MRTFB: variants seen among roughly 807,000 people sequenced by gnomAD.
MRTFB encodes myocardin related transcription factor B, also known as myocardin-related transcription factor B.
MRTFB carries 29 observed loss-of-function variants against 104.2 expected under a neutral mutation model. The observed-to-expected ratio is 0.28, with a 90% CI of 0.21 to 0.38. MRTFB has a LOEUF of 0.38. Ranked by LOEUF, MRTFB falls within the 10% of genes least tolerant of loss-of-function variation. The pLI is 1.00. For missense variants in MRTFB, 1,270 were observed against 1,341.6 expected, an observed-to-expected ratio of 0.95 and a Z score of 0.83; for synonymous variants, 535 against 519.5, an observed-to-expected ratio of 1.03 and a Z score of -0.41.
chr16:14,229,665 T>C, intron 8 of MRTFB, among the ~76,000 whole-genome samples: 1 of 151,940 alleles, frequency 6.6e-6, no homozygotes. Flanking sequence ...CTGACTTCTG[T>C]TTTTTTTATA....
chr16:14,167,124 C>T (rs1357830553), intron 3 of MRTFB, among the ~76,000 whole-genome samples: 6 of 152,176 alleles, frequency 3.9e-5, no homozygotes. Flanking sequence ...ACATTCCCAC[C>T]AACAGTGTAA....
intron 2 of MRTFB, among the ~76,000 whole-genome samples, chr16:14,094,158 C>T (rs1006563728): frequency 1.4e-4 from 22 of 152,044 alleles, no homozygotes; most frequent in South Asian, 2.1e-4. Flanking sequence ...TGGGCTTGTC[C>T]GGCTCACTCC....
the MRTFB span, among the ~76,000 whole-genome samples, chr16:14,056,799 T>A: frequency 6.6e-6 from 1 of 152,228 alleles, no homozygotes; most frequent in Non-Finnish European, 1.5e-5. Context: ...TATCCATCCA[T>A]CTGTCCACCT....
At chr16:14,253,384 C>T (rs1021012936) in intron 15 of MRTFB, among the ~76,000 whole-genome samples, 11 of 152,182 alleles carry the variant, frequency 7.2e-5, no homozygotes, top group East Asian at 1.9e-4. Flanking sequence ...TTATTATCCA[C>T]GGCAAACAGC....
Position 14,245,606 on chromosome 16 carries a change from A to G in MRTFB, c.1158A>G (p.Thr386=), listed in dbSNP as rs1424400921. ...NATPNTPRQN[T]STPVRKPGPL... ...CACCTAACACACCAAGACAGAATACATCTACTCCTGTGAGAAAGCCAGGAC... is the reference window on the plus strand; with the variant it reads ...CACCTAACACACCAAGACAGAATACGTCTACTCCTGTGAGAAAGCCAGGAC... The change falls in exon 11 of 17, where the codon ACA becomes ACG. Residue 386 remains threonine, a synonymous_variant. Coordinates refer to ENST00000571589, the MANE Select transcript of MRTFB (RefSeq NM_001308142.2). The G allele has an allele frequency of 1.9e-6, 3 of 1,614,126 alleles. No individual in the cohort carries two copies. The highest frequency in any genetic ancestry group is 8.5e-7 in the Non-Finnish European group (1 of 1,179,990).
chr16:13,999,641 G>A, the MRTFB span, among the ~76,000 whole-genome samples: 1 of 152,164 alleles, frequency 6.6e-6, no homozygotes, highest in Non-Finnish European at 1.5e-5. Flanking sequence ...GGGGCTGTGG[G>A]GGAGCATCGC....
intron 3 of MRTFB, among the ~76,000 whole-genome samples, chr16:14,181,563 A>G (rs59942291): frequency 0.027 from 4,074 of 152,296 alleles, 196 homozygotes; most frequent in African/African-American, 0.093. Flanking sequence ...CTCAATCTTT[A>G]TGTCAAGAAT....
In MRTFB at chr16:14,238,330, G is replaced by A. The variant is rs141145447; in HGVS notation, c.832-1907G>A. ...GTTTTGCCAGGTGTCTATGACAAAG[G>A]GGGGGACTGTGCAAGTGAGGGGACC... is the stretch of plus-strand genomic sequence containing the variant. On this transcript the variant is annotated intron_variant, in intron 9 of 16. Coordinates refer to ENST00000571589, the MANE Select transcript of MRTFB (RefSeq NM_001308142.2). Among the ~76,000 whole-genome samples, 494 of 152,260 alleles carry A rather than the reference G, an allele frequency of 3.2e-3. 3 individuals carry two copies. The highest frequency in any genetic ancestry group is 0.012 in the Admixed American group (186 of 15,290).
intron 13 of MRTFB, among the ~76,000 whole-genome samples, chr16:14,251,292 G>C (rs2043243131): frequency 6.6e-6 from 1 of 151,124 alleles, no homozygotes; most frequent in Non-Finnish European, 1.5e-5. Context: ...CAGGAGAATG[G>C]CGTGAACCTG....
In MRTFB at chr16:14,240,385, C is replaced by T. The variant is rs748081263; in HGVS notation, c.980C>T (p.Ala327Val). 6.2e-7 allele frequency: 1 copy of T among 1,614,196 alleles called. No homozygotes were observed. Among genetic ancestry groups the T allele is most frequent in the East Asian group, 2.2e-5 (1 of 44,894 alleles). Residue 327 changes from alanine (A) to valine (V), a missense_variant, in exon 10 of 17, where the codon GCC (alanine) becomes GTC (valine). By Grantham distance (64) the Ala-to-Val change is moderately conservative. Transcript: ENST00000571589. ...GAGCCGCAGATGGACTCTAACTACG[C>T]CCGCCTGCTCCAGCAGCAGCAGCTG... ...KNEPQMDSNY[A>V]RLLQQQQLFL...
At position 14,118,322 on chromosome 16, in the gene MRTFB, T is replaced by TA. The variant is rs1340636242; in HGVS notation, c.-63-22221dup. On this transcript the variant is annotated intron_variant, in intron 2 of 16. Coordinates refer to ENST00000571589, the MANE Select transcript of MRTFB (RefSeq NM_001308142.2). The stretch of plus-strand genomic sequence containing the variant: ...CAGCTAGTTTTTGTATTCTTTTTTT[T>TA]ATAGAGATGGGGTTTTGCCATGTTG... Among the ~76,000 whole-genome samples the TA allele has an allele frequency of 4.6e-5, 7 of 151,638 alleles. No individual in the cohort carries two copies. In the South Asian group the frequency reaches 6.3e-4, roughly 14 times the overall value.
chr16:13,995,307 T>C, the MRTFB span, among the ~76,000 whole-genome samples: 1 of 152,166 alleles, frequency 6.6e-6, no homozygotes, highest in African/African-American at 2.4e-5. Flanking sequence ...CTGTTTTGTT[T>C]TGTTTTTTTC....
intron 15 of MRTFB, among the ~76,000 whole-genome samples, chr16:14,257,082 G>GTTCCATTTTACACTCCC (rs2043525789): frequency 6.6e-6 from 1 of 152,174 alleles, no homozygotes; most frequent in Non-Finnish European, 1.5e-5. Flanking sequence ...TGAAAAGACT[G>GTTCCATTTTACACTCCC]ACCCTACAAA....
At chr16:14,114,303 A>G (rs551578267) in intron 2 of MRTFB, among the ~76,000 whole-genome samples, 9 of 152,224 alleles carry the variant, frequency 5.9e-5, no homozygotes, top group Non-Finnish European at 7.3e-5. Flanking sequence ...TAAATGTTCT[A>G]AATGTTTCAG....
At chr16:14,235,818 C>T (rs2042475611) in intron 9 of MRTFB, among the ~76,000 whole-genome samples, 1 of 152,144 alleles carries the variant, frequency 6.6e-6, no homozygotes, top group Non-Finnish European at 1.5e-5. Context: ...CGATTATACT[C>T]GAACCGCATT....
At chr16:14,187,139 C>A in intron 3 of MRTFB, 1 of 876,594 alleles carries the variant, frequency 1.1e-6, no homozygotes, top group Non-Finnish European at 1.7e-6. Context: ...TCTCTCTGTT[C>A]ACTCATGTAC....
chr16:14,222,454 G>A (rs1478171582), intron 8 of MRTFB, among the ~76,000 whole-genome samples: 5 of 151,450 alleles, frequency 3.3e-5, no homozygotes, highest in Non-Finnish European at 4.4e-5. Context: ...ACCAGCTATC[G>A]TTAATGTTAA....
intron 3 of MRTFB, among the ~76,000 whole-genome samples, chr16:14,204,251 C>T (rs1324860851): frequency 6.6e-6 from 1 of 152,304 alleles, no homozygotes. Context: ...ACTGGGATTA[C>T]AGGCATGAAG....
At chr16:14,118,118 A>AT (rs1458987238) in intron 2 of MRTFB, among the ~76,000 whole-genome samples, 3 of 142,330 alleles carry the variant, frequency 2.1e-5, no homozygotes, top group Non-Finnish European at 4.5e-5. Flanking sequence ...CCATTCCCTC[A>AT]TCTTTTTTTT....
Sources: allele counts gnomAD v4.1 joint callset (sites outside exome capture counted in the v4.1 genomes callset), GRCh38; gene constraint gnomAD v4.1.1; transcripts MANE v1.5; gene names NCBI Gene and HGNC (gene_info 2026-07-23, HGNC 2026-07-21).